The following LRBA variants were observed in gnomAD, a reference collection of about 807,000 sequenced individuals.
LRBA encodes the protein LPS responsive beige-like anchor protein.
LRBA carries 176 observed loss-of-function variants against 330.0 expected under a neutral mutation model. That is an observed-to-expected ratio of 0.53 (90% CI 0.47 to 0.60). The LOEUF is 0.60. Among genes scored for constraint, LRBA ranks in the 20% least tolerant of loss-of-function variants. LRBA has a pLI of 0.00. For synonymous variants in LRBA, 1,230 were observed against 1,193.0 expected (o/e 1.03, Z -0.64); for missense variants, 3,259 against 3,444.8 (o/e 0.95, Z 1.35).
At chr4:150,492,378 G>A (rs2152106714) in intron 40 of LRBA, among the ~76,000 whole-genome samples, 1 of 152,208 alleles carries the variant, frequency 6.6e-6, no homozygotes, top group Middle Eastern at 3.4e-3. Flanking sequence ...ATGGATGAGA[G>A]AGAAATCCTA....
chr4:150,794,416 A>G (rs1740441155), intron 34 of LRBA, among the ~76,000 whole-genome samples: 2 of 151,988 alleles, frequency 1.3e-5, no homozygotes, highest in Non-Finnish European at 2.9e-5. Flanking sequence ...CTCAAAATGG[A>G]GAAGAAACTT....
chr4:150,591,070 C>A (rs1368229077), intron 38 of LRBA, among the ~76,000 whole-genome samples: 1 of 152,120 alleles, frequency 6.6e-6, no homozygotes, highest in Admixed American at 6.5e-5. Context: ...TAAACAAGCA[C>A]CCTAATCCCA....
chr4:150,685,315 GGTTT>G (rs1392979414), intron 36 of LRBA, among the ~76,000 whole-genome samples: 2 of 124,654 alleles, frequency 1.6e-5, no homozygotes, highest in Admixed American at 1.8e-4. Context: ...CAAAAAAATT[GGTTT>G]TTTTTGTTCC....
chr4:150,308,244 G>T (rs766671971), intron 52 of LRBA, among the ~76,000 whole-genome samples: 44 of 152,056 alleles, frequency 2.9e-4, no homozygotes, highest in Non-Finnish European at 5.4e-4. Context: ...GTCAACGATG[G>T]ACCACATATA....
At chr4:150,861,179 C>T (rs956965847) in intron 22 of LRBA, among the ~76,000 whole-genome samples, 5 of 152,056 alleles carry the variant, frequency 3.3e-5, no homozygotes, top group African/African-American at 7.2e-5. Context: ...TTCACTGTTA[C>T]GTTACTTCAA....
chr4:150,944,884 T>C (rs1451573633), intron 2 of LRBA, among the ~76,000 whole-genome samples: 1 of 152,182 alleles, frequency 6.6e-6, no homozygotes, highest in South Asian at 2.1e-4. Flanking sequence ...CTCATGATAG[T>C]GAATAAGTCT....
At chr4:150,471,496 T>A (rs1431335654) in intron 43 of LRBA, 128 bp downstream of exon 43, 2 of 587,070 alleles carry the variant, frequency 3.4e-6, no homozygotes, top group Non-Finnish European at 5.9e-6. Flanking sequence ...TCTTTGTATA[T>A]CCTTTGTAGT....
chr4:150,784,582 G>A (rs1234837288), intron 34 of LRBA, among the ~76,000 whole-genome samples: 1 of 152,114 alleles, frequency 6.6e-6, no homozygotes, highest in East Asian at 1.9e-4. Context: ...AATCCCCTGA[G>A]CCCTATGCAA....
At chr4:150,902,297 T>C (rs1164041533) in intron 13 of LRBA, among the ~76,000 whole-genome samples, 1 of 152,098 alleles carries the variant, frequency 6.6e-6, no homozygotes, top group Non-Finnish European at 1.5e-5. Context: ...ATGGTTGAAA[T>C]AAAGGTTTCC....
chr4:150,277,973 A>G lies in LRBA; in HGVS notation c.8348T>C (p.Leu2783Pro). The change falls in exon 56 of 57, where the codon CTG becomes CCG. Residue 2783 changes from leucine to proline, a missense_variant. By Grantham distance (98) the Leu-to-Pro change is moderately conservative. Transcript: ENST00000651943. ...CACTCCTCTGTCTCCTCCTGTGAGC[A>G]GGTACTGCCCATCTCGGCTCAGCTG... ...AIQLSRDGQY[L>P]LTGGDRGVVV... 2 of 1,614,142 alleles carry G rather than the reference A, an allele frequency of 1.2e-6. No individual in the cohort carries two copies. The highest frequency in any genetic ancestry group is 1.7e-6 in the Non-Finnish European group (2 of 1,180,020).
rs1776346119 is a variant in LRBA, at chr4:150,622,051, C to A, written c.5922-22920G>T. Reference sequence around the variant, plus strand: ...TTTTGTAAGCATACAGGAAAGCAAGCAGCAGCATGTTTATTTTTCTTTACC... The same window carrying A: ...TTTTGTAAGCATACAGGAAAGCAAGAAGCAGCATGTTTATTTTTCTTTACC... On this transcript the variant is annotated intron_variant, in intron 37 of 56. Coordinates refer to ENST00000651943, the MANE Select transcript of LRBA (RefSeq NM_001364905.1). Among the ~76,000 whole-genome samples, 3 of 152,154 alleles carry A rather than the reference C, an allele frequency of 2.0e-5. No homozygotes were observed. The South Asian group carries it at 6.2e-4, about 32-fold the overall frequency.
At chr4:150,610,829 T>C (rs1775184141) in intron 37 of LRBA, among the ~76,000 whole-genome samples, 1 of 152,146 alleles carries the variant, frequency 6.6e-6, no homozygotes, top group Admixed American at 6.5e-5. Context: ...TTATCCTGCA[T>C]CCCAAGCTAC....
chr4:150,596,830 C>A (rs1295844729), intron 38 of LRBA, among the ~76,000 whole-genome samples: 1 of 151,344 alleles, frequency 6.6e-6, no homozygotes, highest in Non-Finnish European at 1.5e-5. Context: ...TACCATAATA[C>A]AATCTATGTG....
chr4:150,963,680 C>T (rs1183888300), intron 2 of LRBA, among the ~76,000 whole-genome samples: 1 of 147,934 alleles, frequency 6.8e-6, no homozygotes, highest in East Asian at 1.9e-4. Context: ...TCTGCCTGGC[C>T]GCCCAGTCCG....
chr4:150,758,935 G>T (rs1239692246), intron 35 of LRBA, among the ~76,000 whole-genome samples: 1 of 151,346 alleles, frequency 6.6e-6, no homozygotes, highest in Non-Finnish European at 1.5e-5. Flanking sequence ...TTTTCCCCAC[G>T]ACAGGGTCTT....
rs572375125 is a variant in LRBA, at chr4:150,934,374, A to ACACAT, written c.217-5314_217-5310dup. ...ACTTAAGTAAAAAATAACAGATACAACACATCTGCAGAAAACAATCACAAA... is the reference window on the plus strand; with the variant it reads ...ACTTAAGTAAAAAATAACAGATACAACACATCACATCTGCAGAAAACAATCACAAA... On this transcript the variant is annotated intron_variant, in intron 2 of 56. Coordinates refer to ENST00000651943, the MANE Select transcript of LRBA (RefSeq NM_001364905.1). 4.1e-3 allele frequency among the ~76,000 whole-genome samples: 626 copies of ACACAT among 152,300 alleles called. 4 individuals carry two copies. Among genetic ancestry groups the ACACAT allele is most frequent in the African/African-American group, 0.014 (562 of 41,554 alleles).
At chr4:150,684,350 A>T (rs1489592746) in intron 36 of LRBA, among the ~76,000 whole-genome samples, 4 of 152,116 alleles carry the variant, frequency 2.6e-5, no homozygotes, top group Admixed American at 2.6e-4. Context: ...TAGAACATGA[A>T]ACTGTTTGGT....
At chr4:150,380,193 A>C (rs1742001818) in intron 47 of LRBA, among the ~76,000 whole-genome samples, 1 of 150,554 alleles carries the variant, frequency 6.6e-6, no homozygotes, top group Non-Finnish European at 1.5e-5. Flanking sequence ...AAAACAAAAC[A>C]AAACAAAATA....
chr4:150,962,150 G>T (rs1738217260), intron 2 of LRBA, among the ~76,000 whole-genome samples: 1 of 149,254 alleles, frequency 6.7e-6, no homozygotes, highest in Non-Finnish European at 1.5e-5. Flanking sequence ...GCATTAAATT[G>T]GAATTCAATT....
Sources: allele counts gnomAD v4.1 joint callset (sites outside exome capture counted in the v4.1 genomes callset), GRCh38; gene constraint gnomAD v4.1.1; transcripts MANE v1.5; gene names NCBI Gene and HGNC (gene_info 2026-07-23, HGNC 2026-07-21).